Variants in ATF6 observed in about 807,000 individuals in gnomAD.
The protein encoded by ATF6 is cyclic AMP-dependent transcription factor ATF-6 alpha.
A neutral mutation model predicts 83.6 loss-of-function variants in ATF6; 53 were observed. The ratio of observed to expected loss-of-function variants is 0.63; its 90% CI spans 0.51 to 0.80. The LOEUF (loss-of-function observed/expected upper bound fraction) is 0.80, where lower values mean the gene tolerates loss of function less well. Among genes scored for constraint, ATF6 ranks in the 30% least tolerant of loss-of-function variants. The probability of loss-of-function intolerance (pLI) is 0.00; values close to 1 mark genes in which losing one functional copy is unlikely to be tolerated. For synonymous variants in ATF6, 288 were observed against 285.8 expected, an observed-to-expected ratio of 1.01 and a Z score of -0.08; for missense variants, 744 against 797.9, an observed-to-expected ratio of 0.93 and a Z score of 0.81.
rs543446958 is a variant in ATF6, at chr1:161,868,043, A to C, written c.1719+4731A>C. On this transcript the variant is annotated intron_variant, in intron 14 of 15. Coordinates refer to ENST00000367942, the MANE Select transcript of ATF6 (RefSeq NM_007348.4). ...GCACAGGAAACTGGCTCAGAATCCAAATAATCCCTCTGTGCTTGTGCTTCA... is the reference window on the plus strand; with the variant it reads ...GCACAGGAAACTGGCTCAGAATCCACATAATCCCTCTGTGCTTGTGCTTCA... Among the ~76,000 whole-genome samples the C allele has an allele frequency of 2.0e-3, 305 of 152,348 alleles. 1 individual carries two copies. Among genetic ancestry groups the C allele is most frequent in the African/African-American group, 7.1e-3 (295 of 41,584 alleles).
At chr1:161,841,270 TCAGATGTTAATAAAA>T (rs1325610130) in intron 9 of ATF6, among the ~76,000 whole-genome samples, 2 of 152,332 alleles carry the variant, frequency 1.3e-5, no homozygotes, top group East Asian at 3.9e-4. Context: ...TACCTGTCTT[TCAGATGTTAATAAAA>T]ATAAGGGAAA....
chr1:161,917,656 G>A (rs543876087), intron 15 of ATF6, among the ~76,000 whole-genome samples: 8 of 152,236 alleles, frequency 5.3e-5, no homozygotes, highest in Admixed American at 2.0e-4. Context: ...TCCTGACCTC[G>A]TGATCCGCCC....
intron 15 of ATF6, among the ~76,000 whole-genome samples, chr1:161,921,736 G>A (rs1201374756): frequency 6.6e-6 from 1 of 152,164 alleles, no homozygotes; most frequent in Non-Finnish European, 1.5e-5. Context: ...GTATTTCTGT[G>A]TGTCTCTTGT....
chr1:161,805,819 A>G (rs1396467079), intron 7 of ATF6, among the ~76,000 whole-genome samples: 1 of 152,160 alleles, frequency 6.6e-6, no homozygotes, highest in Non-Finnish European at 1.5e-5. Context: ...CCAAAAAAAA[A>G]AAAATCATAT....
At chr1:161,954,404 A>T (rs1688926248) in intron 15 of ATF6, among the ~76,000 whole-genome samples, 1 of 152,184 alleles carries the variant, frequency 6.6e-6, no homozygotes, top group African/African-American at 2.4e-5. Context: ...TCACCAGCCT[A>T]GTTTACACAG....
At position 161,860,220 on chromosome 1, in the gene ATF6, A is replaced by G. The variant is rs760250349; in HGVS notation, c.1547A>G (p.Gln516Arg). 9 of 1,591,906 alleles carry G rather than the reference A, an allele frequency of 5.7e-6. No individual in the cohort carries two copies. The South Asian group carries it at 9.2e-5, about 16-fold the overall frequency. ...TTAATATTCCAGGGTGCTCTGGAAC[A>G]GGGCTCAAATTCTCAGCTGATGGCT... ...KTRILQGALEQGSNSQLMAVQ... is the reference protein window; with the variant it reads ...KTRILQGALERGSNSQLMAVQ... The change falls in exon 13 of 16, where the codon CAG becomes CGG. Residue 516 changes from glutamine (Q) to arginine (R), a missense_variant. Gln to Arg is a conservative substitution (Grantham distance 43). Coordinates refer to ENST00000367942, the MANE Select transcript of ATF6 (RefSeq NM_007348.4).
At chr1:161,814,227 A>AC (rs1685552671) in intron 7 of ATF6, among the ~76,000 whole-genome samples, 1 of 152,206 alleles carries the variant, frequency 6.6e-6, no homozygotes, top group Non-Finnish European at 1.5e-5. Context: ...TGGAGTCATT[A>AC]ACTGAAATAA....
chr1:161,952,777 A>C (rs946280902), intron 15 of ATF6, among the ~76,000 whole-genome samples: 11 of 152,196 alleles, frequency 7.2e-5, no homozygotes, highest in Non-Finnish European at 1.3e-4. Flanking sequence ...ATACAGACTG[A>C]TCCAAGTGTT....
intron 1 of ATF6, among the ~76,000 whole-genome samples, chr1:161,775,618 G>A (rs1340993478): frequency 2.0e-5 from 3 of 152,036 alleles, no homozygotes; most frequent in Non-Finnish European, 4.4e-5. Flanking sequence ...TGACCACTGA[G>A]AATTCATTCA....
intron 14 of ATF6, chr1:161,890,722 A>C (rs6683830): frequency 0.49 from 75,108 of 152,286 alleles, 22,554 homozygotes; most frequent in Non-Finnish European, 0.66. Flanking sequence ...CTGGGGATGC[A>C]GGTCAGCCTG....
chr1:161,815,760 T>G (rs917386023), intron 7 of ATF6, among the ~76,000 whole-genome samples: 14 of 151,924 alleles, frequency 9.2e-5, no homozygotes, highest in African/African-American at 3.4e-4. Flanking sequence ...CTGGGCAACA[T>G]AGAGAGATCC....
Position 161,819,802 on chromosome 1 carries a change from A to T in ATF6, c.1079A>T (p.Asp360Val), listed in dbSNP as rs75594989. ...AATGGAACACTGAAGCGGCAGCTGG[A>T]TGAAGTTGTGTCAGAGGTAAGTGTT... ...KENGTLKRQL[D>V]EVVSENQRLK... The change falls in exon 8 of 16, where the codon GAT becomes GTT. Residue 360 changes from aspartate (D) to valine (V), a missense_variant. Physicochemically the swap from Asp to Val is radical, Grantham distance 152 (BLOSUM62 -3). Transcript: ENST00000367942. The T allele has an allele frequency of 3.7e-6, 6 of 1,609,064 alleles. No homozygotes were observed. Among genetic ancestry groups the T allele is most frequent in the Non-Finnish European group, 5.1e-6 (6 of 1,177,770 alleles).
intron 9 of ATF6, among the ~76,000 whole-genome samples, chr1:161,823,534 C>T (rs1685813638): frequency 6.6e-6 from 1 of 152,240 alleles, no homozygotes; most frequent in African/African-American, 2.4e-5. Flanking sequence ...CTCCAAGTTA[C>T]TTTCCTTCAA....
intron 15 of ATF6, among the ~76,000 whole-genome samples, chr1:161,950,923 C>G (rs1229562321): frequency 1.3e-5 from 2 of 152,090 alleles, no homozygotes; most frequent in African/African-American, 4.8e-5. Flanking sequence ...ATATTCTTTT[C>G]TATGATCTAA....
chr1:161,894,421 A>C (rs1327885017), intron 14 of ATF6, among the ~76,000 whole-genome samples: 1 of 151,380 alleles, frequency 6.6e-6, no homozygotes, highest in Non-Finnish European at 1.5e-5. Context: ...TAAAGTTCTT[A>C]AACTTCAAAC....
At position 161,920,505 on chromosome 1, in the gene ATF6, A is replaced by C. The variant is rs574307114; in HGVS notation, c.1804+8125A>C. ...GAGACGGGGTTTCATGATGTTAGCC[A>C]GGGTGGTCTCGATCTCCTGACCTCA... On this transcript the variant is annotated intron_variant, in intron 15 of 15. Transcript: ENST00000367942. Among the ~76,000 whole-genome samples the C allele has an allele frequency of 2.8e-3, 423 of 151,996 alleles. 1 individual carries two copies. Among genetic ancestry groups the C allele is most frequent in the African/African-American group, 0.01 (416 of 41,466 alleles).
At chr1:161,950,106 G>A (rs1688832133) in intron 15 of ATF6, among the ~76,000 whole-genome samples, 1 of 152,216 alleles carries the variant, frequency 6.6e-6, no homozygotes, top group South Asian at 2.1e-4. Flanking sequence ...AATATTCGTG[G>A]TGTTGTGTGA....
intron 1 of ATF6, among the ~76,000 whole-genome samples, chr1:161,768,112 C>G (rs1684309282): frequency 6.6e-6 from 1 of 152,210 alleles, no homozygotes. Context: ...ACCTCGGCCT[C>G]CCAAAGTGCT....
chr1:161,803,273 C>T (rs2101757126), intron 7 of ATF6, among the ~76,000 whole-genome samples: 1 of 152,226 alleles, frequency 6.6e-6, no homozygotes, highest in East Asian at 1.9e-4. Context: ...TAATCTCAGC[C>T]AGCAATATTG....
Sources: gnomAD v4.1 joint callset for allele counts (sites outside exome capture counted in the v4.1 genomes callset) on GRCh38, gnomAD v4.1.1 for gene constraint, MANE v1.5 for transcripts, NCBI Gene and HGNC (gene_info 2026-07-23, HGNC 2026-07-21) for gene names.